The following VTA1 variants were observed in gnomAD, a reference collection of about 807,000 sequenced individuals.
VTA1 encodes the protein vesicle trafficking 1, also known as vacuolar protein sorting-associated protein VTA1 homolog.
In VTA1, 24 loss-of-function variants were observed where a neutral mutation model predicts 36.9. The ratio of observed to expected loss-of-function variants is 0.65; its 90% CI spans 0.47 to 0.91. The LOEUF is 0.91. VTA1 is among the 40% of genes least tolerant of loss of function. The pLI is 0.00. For synonymous variants in VTA1, 142 were observed against 130.2 expected (o/e 1.09, Z -0.62); for missense variants, 393 against 377.2 (o/e 1.04, Z -0.35).
chr6:142,157,058 G>A (rs1778675609), intron 1 of VTA1, among the ~76,000 whole-genome samples: 1 of 152,218 alleles, frequency 6.6e-6, no homozygotes, highest in South Asian at 2.1e-4. Flanking sequence ...CAGCTACTCA[G>A]GAGGCTGAGG....
At chr6:142,193,532 A>G (rs1775492797) in intron 5 of VTA1, among the ~76,000 whole-genome samples, 1 of 152,104 alleles carries the variant, frequency 6.6e-6, no homozygotes, top group African/African-American at 2.4e-5. Flanking sequence ...TGGACTTTCC[A>G]GTCTATACAT....
chr6:142,157,836 G>T (rs1582876353), intron 1 of VTA1, among the ~76,000 whole-genome samples: 2 of 145,704 alleles, frequency 1.4e-5, no homozygotes. Flanking sequence ...ATTTTTCTGT[G>T]GCTTGTCAGA....
chr6:142,213,885 G>T (rs1236865260), intron 7 of VTA1, among the ~76,000 whole-genome samples: 3 of 152,120 alleles, frequency 2.0e-5, no homozygotes, highest in Non-Finnish European at 4.4e-5. Flanking sequence ...TGCTGTGGTG[G>T]TCTGTGAAAT....
chr6:142,171,948 A>G (rs968187145), intron 4 of VTA1, among the ~76,000 whole-genome samples: 1 of 152,228 alleles, frequency 6.6e-6, no homozygotes, highest in Non-Finnish European at 1.5e-5. Flanking sequence ...CTTGATGAGT[A>G]TAAGCAGGGG....
chr6:142,172,193 C>T (rs1172806046), intron 4 of VTA1, among the ~76,000 whole-genome samples: 1 of 152,066 alleles, frequency 6.6e-6, no homozygotes, highest in African/African-American at 2.4e-5. Flanking sequence ...TGTATTTTAG[C>T]AGAGATGGGG....
At chr6:142,171,468 C>T (rs1775028227) in intron 4 of VTA1, among the ~76,000 whole-genome samples, 1 of 152,096 alleles carries the variant, frequency 6.6e-6, no homozygotes, top group Non-Finnish European at 1.5e-5. Context: ...GTTTGTTTCC[C>T]TTGTAAAATG....
chr6:142,185,225 A>G (rs1775318106), intron 4 of VTA1, among the ~76,000 whole-genome samples: 1 of 152,128 alleles, frequency 6.6e-6, no homozygotes, highest in Non-Finnish European at 1.5e-5. Flanking sequence ...TTTTTATAGT[A>G]ACAGTTCTTT....
At chr6:142,196,905 T>C (rs1383671270) in intron 5 of VTA1, among the ~76,000 whole-genome samples, 1 of 152,188 alleles carries the variant, frequency 6.6e-6, no homozygotes, top group Non-Finnish European at 1.5e-5. Flanking sequence ...AGCTTTAAGT[T>C]GCTTTTCTCC....
At position 142,204,074 on chromosome 6, in the gene VTA1, G is replaced by A. The variant is rs757328762; in HGVS notation, c.778+9G>A. On this transcript the variant is annotated intron_variant, in intron 7 of 7. Coordinates refer to ENST00000367630, the MANE Select transcript of VTA1 (RefSeq NM_016485.5). ...CAATACAATTTCCCAGGGTAAGTCA[G>A]CTGACTATTTTGTGAGATACATTTA... is the stretch of plus-strand genomic sequence containing the variant. 12 of 1,612,008 alleles carry A rather than the reference G, an allele frequency of 7.4e-6. No individual in the cohort carries two copies. The African/African-American group carries it at 1.6e-4, about 22-fold the overall frequency.
At chr6:142,149,626 G>C (rs992254795) in intron 1 of VTA1, among the ~76,000 whole-genome samples, 1 of 152,134 alleles carries the variant, frequency 6.6e-6, no homozygotes, top group Non-Finnish European at 1.5e-5. Context: ...TGTTATATGT[G>C]TTGTAAATAT....
At chr6:142,212,487 A>G (rs1378532447) in intron 7 of VTA1, among the ~76,000 whole-genome samples, 4 of 152,012 alleles carry the variant, frequency 2.6e-5, no homozygotes, top group Admixed American at 6.6e-5. Flanking sequence ...GGGGTAGAAG[A>G]TCAGCAGTTG....
chr6:142,191,798 A>G (rs925268995), intron 5 of VTA1, among the ~76,000 whole-genome samples: 3 of 152,114 alleles, frequency 2.0e-5, no homozygotes, highest in African/African-American at 7.2e-5. Context: ...ATATAATGTC[A>G]TTAAATCTGA....
chr6:142,186,824 TAAAA>T, intron 4 of VTA1, among the ~76,000 whole-genome samples: 1 of 147,278 alleles, frequency 6.8e-6, no homozygotes, highest in South Asian at 2.2e-4. Context: ...ATGAAGAGGT[TAAAA>T]AAAAAAGCTA....
intron 6 of VTA1, among the ~76,000 whole-genome samples, chr6:142,202,608 AACAC>A (rs147233940): frequency 0.013 from 1,949 of 152,096 alleles, 45 homozygotes; most frequent in African/African-American, 0.045. Flanking sequence ...CCATTTGCAA[AACAC>A]ACACGCAAGT....
At chr6:142,192,873 T>C (rs1435914248) in intron 5 of VTA1, among the ~76,000 whole-genome samples, 1 of 152,142 alleles carries the variant, frequency 6.6e-6, no homozygotes, top group Non-Finnish European at 1.5e-5. Context: ...ATTAGAGATA[T>C]GCTCTTTTAC....
intron 1 of VTA1, among the ~76,000 whole-genome samples, chr6:142,159,170 G>A (rs1774727863): frequency 6.6e-6 from 1 of 151,964 alleles, no homozygotes; most frequent in Non-Finnish European, 1.5e-5. Flanking sequence ...GACCAGCCTA[G>A]GCAACATGGT....
intron 4 of VTA1, among the ~76,000 whole-genome samples, chr6:142,176,352 G>A (rs897975398): frequency 2.0e-5 from 3 of 152,138 alleles, no homozygotes; most frequent in African/African-American, 7.2e-5. Context: ...CCCTCGTTGA[G>A]CTTATGTTCT....
chr6:142,162,605 C>T (rs225649), intron 1 of VTA1, among the ~76,000 whole-genome samples: 120,485 of 152,022 alleles, frequency 0.79, 48,020 homozygotes, highest in East Asian at 0.97. Context: ...CTGATAATTA[C>T]GATATTTGTA....
In VTA1 at chr6:142,218,625, G is replaced by A. The variant is rs1377959975; in HGVS notation, c.906G>A (p.Leu302=). The A allele has an allele frequency of 6.2e-7, 1 of 1,610,484 alleles. No homozygotes were observed. Among genetic ancestry groups the A allele is most frequent in the Non-Finnish European group, 8.5e-7 (1 of 1,178,868 alleles). The part of the protein sequence containing the change: ...VQNLQKALKL[L]TTGRE ...ATCTACAAAAGGCTCTCAAGTTACT[G>A]ACGACAGGCAGAGAATGAAGCCTTT... The change falls in exon 8 of 8, where the codon CTG becomes CTA. Residue 302 remains leucine (L), a synonymous_variant. Coordinates refer to ENST00000367630, the MANE Select transcript of VTA1 (RefSeq NM_016485.5).
Sources: allele counts gnomAD v4.1 joint callset (sites outside exome capture counted in the v4.1 genomes callset), GRCh38; gene constraint gnomAD v4.1.1; transcripts MANE v1.5; gene names NCBI Gene and HGNC (gene_info 2026-07-23, HGNC 2026-07-21).